Variants in LRCH3 observed in about 807,000 individuals in gnomAD.
The protein encoded by LRCH3 is leucine rich repeats and calponin homology domain containing 3.
In LRCH3, 68 loss-of-function variants were observed where a neutral mutation model predicts 104.5. That is an observed-to-expected ratio of 0.65 (90% CI 0.54 to 0.80). The LOEUF (loss-of-function observed/expected upper bound fraction) is 0.80. LRCH3 is among the 30% of genes least tolerant of loss of function. The probability of loss-of-function intolerance (pLI) is 0.00; values close to 1 mark genes in which losing one functional copy is unlikely to be tolerated. For synonymous variants in LRCH3, 344 were observed against 361.3 expected (o/e 0.95, Z 0.54); for missense variants, 951 against 953.9 (o/e 1.00, Z 0.04).
chr3:197,800,758 CAACTT>C (rs1263480578), intron 1 of LRCH3, among the ~76,000 whole-genome samples: 7 of 152,032 alleles, frequency 4.6e-5, no homozygotes, highest in Admixed American at 1.3e-4. Flanking sequence ...AAAATAGAAA[CAACTT>C]AAGTGATGAT....
rs1261901909 is a variant in LRCH3, at chr3:197,871,345, A to C, written c.2013A>C (p.Lys671Asn). 1 of 1,613,686 alleles carries C rather than the reference A, an allele frequency of 6.2e-7. No individual in the cohort carries two copies. Among genetic ancestry groups the C allele is most frequent in the Non-Finnish European group, 8.5e-7 (1 of 1,179,734 alleles). Residue 671 changes from lysine (K) to asparagine (N), a missense_variant, in exon 19 of 21, where the codon AAA (lysine) becomes AAC (asparagine). Lys to Asn is a moderately conservative substitution (Grantham distance 94, BLOSUM62 0). Coordinates refer to ENST00000425562, the MANE Select transcript of LRCH3 (RefSeq NM_001365715.1). ...TTCAGCATATTGAGTACCGGTTGAA[A>C]GTGTCTCTACCTTGTGATCTCGGAG... ...QLRKHIEYRL[K>N]VSLPCDLGAA...
intron 4 of LRCH3, among the ~76,000 whole-genome samples, chr3:197,824,336 T>G (rs146511026): frequency 6.7e-6 from 1 of 148,878 alleles, no homozygotes; most frequent in Non-Finnish European, 1.5e-5. Flanking sequence ...GTGCTGGGAT[T>G]ACAGGCGTGA....
intron 1 of LRCH3, among the ~76,000 whole-genome samples, chr3:197,813,510 ATTTTTTTTTTTTTTTTTTTTTTTT>A (rs57062885): frequency 0.076 from 5,028 of 66,128 alleles, 397 homozygotes; most frequent in African/African-American, 0.23. Flanking sequence ...GAGGCATATA[ATTTTTTTTTTTTTTTTTTTTTTTT>A]TTTTTTTTTT....
rs141073882 is a variant in LRCH3, at chr3:197,827,179, A to G, written c.777+165A>G. ...TAAACCATAGTGGAAGCATCAGGTAAACCATAGTGGAAGCATCAGGTAGAC... is the reference window on the plus strand; with the variant it reads ...TAAACCATAGTGGAAGCATCAGGTAGACCATAGTGGAAGCATCAGGTAGAC... On this transcript the variant is annotated intron_variant, in intron 5 of 20. Transcript: ENST00000425562. Among the ~76,000 whole-genome samples, 1,229 of 151,886 alleles carry G rather than the reference A, an allele frequency of 8.1e-3. 12 individuals are homozygous for G. Among genetic ancestry groups the G allele is most frequent in the African/African-American group, 0.028 (1,156 of 41,358 alleles).
chr3:197,875,808 A>G (rs754630742), intron 20 of LRCH3, 33 bp downstream of exon 20: 3 of 1,374,856 alleles, frequency 2.2e-6, no homozygotes, highest in African/African-American at 2.9e-5. Context: ...TGTTGCCTAA[A>G]TAGACTTGGT....
intron 1 of LRCH3, among the ~76,000 whole-genome samples, chr3:197,807,376 C>T (rs544648684): frequency 1.8e-4 from 28 of 151,982 alleles, no homozygotes; most frequent in Non-Finnish European, 2.8e-4. Flanking sequence ...GCCACCACGC[C>T]CAGCTCATTT....
At chr3:197,860,811 C>T (rs1740787155) in intron 15 of LRCH3, among the ~76,000 whole-genome samples, 1 of 151,966 alleles carries the variant, frequency 6.6e-6, no homozygotes, top group Admixed American at 6.6e-5. Context: ...ACTGTGATGA[C>T]CATTTTGTAC....
chr3:197,819,184 G>C (rs1458854530), intron 3 of LRCH3, among the ~76,000 whole-genome samples: 2 of 151,470 alleles, frequency 1.3e-5, no homozygotes, highest in Non-Finnish European at 2.9e-5. Context: ...ATTCCCATCT[G>C]ATGGTTGTTC....
intron 1 of LRCH3, among the ~76,000 whole-genome samples, chr3:197,795,377 C>G (rs1315357907): frequency 6.6e-6 from 1 of 152,118 alleles, no homozygotes; most frequent in African/African-American, 2.4e-5. Flanking sequence ...AGTATATAGT[C>G]CATTGCTCTG....
At chr3:197,844,986 C>G (rs907621918) in intron 10 of LRCH3, among the ~76,000 whole-genome samples, 1 of 152,076 alleles carries the variant, frequency 6.6e-6, no homozygotes, top group African/African-American at 2.4e-5. Flanking sequence ...ATGTCAAGAT[C>G]ATTGACAGAC....
Position 197,856,027 on chromosome 3 carries a change from G to A in LRCH3, c.1644+1582G>A, listed in dbSNP as rs1740205863. Among the ~76,000 whole-genome samples, 1 of 152,132 alleles carries A rather than the reference G, an allele frequency of 6.6e-6. No homozygotes were observed. ...TGCCTCCCTCTCCAGTCTCCTCTCT[G>A]GGCTTGTGCCATACCAGCATTGTTT... On this transcript the variant is annotated intron_variant, in intron 14 of 20. Transcript: ENST00000425562. This position sits in a 1 kb window ranked among gnomAD's most constrained non-coding sequence, Gnocchi z 4.2.
intron 19 of LRCH3, among the ~76,000 whole-genome samples, chr3:197,874,813 C>T (rs60415927): frequency 0.026 from 3,891 of 152,290 alleles, 165 homozygotes; most frequent in African/African-American, 0.087. Flanking sequence ...GCCCACAGGC[C>T]AGCACTTCTT....
At chr3:197,800,171 C>G (rs1242536915) in intron 1 of LRCH3, among the ~76,000 whole-genome samples, 1 of 151,854 alleles carries the variant, frequency 6.6e-6, no homozygotes, top group Non-Finnish European at 1.5e-5. Flanking sequence ...ATACTCCACT[C>G]CAGCCTAGGC....
chr3:197,850,875 T>G, intron 12 of LRCH3: 1 of 925,930 alleles, frequency 1.1e-6, no homozygotes, highest in East Asian at 2.4e-5. Context: ...ACGAGTGTTC[T>G]TAAAGTGAAC....
Position 197,829,718 on chromosome 3 carries a change from G to T in LRCH3, c.887+45G>T, listed in dbSNP as rs751833151. 5.2e-6 allele frequency: 7 copies of T among 1,346,270 alleles called. No individual in the cohort carries two copies. The South Asian group carries it at 9.0e-5, about 17-fold the overall frequency. 83.4% of individuals were successfully genotyped at this position (1,346,270 alleles called of 1,614,324 possible). On this transcript the variant is annotated intron_variant, in intron 6 of 20. Coordinates refer to ENST00000425562, the MANE Select transcript of LRCH3 (RefSeq NM_001365715.1). ...TTATCTATCATATTTTTTGTACAGA[G>T]AATCAAATAAAATGGATACTTAAAT...
chr3:197,820,260 G>A lies in LRCH3; in HGVS notation c.535-65G>A, dbSNP rs977899855. ...TCTCCCAAACATATCTAATTTTATA[G>A]ACAGTTTAAAGCAGACAAGTTTGTA... is the stretch of plus-strand genomic sequence containing the variant. On this transcript the variant is annotated intron_variant, in intron 3 of 20. Transcript: ENST00000425562. The A allele has an allele frequency of 1.1e-5, 13 of 1,133,018 alleles. No individual in the cohort carries two copies. In the Admixed American group the frequency reaches 1.3e-4, roughly 11 times the overall value. 70.2% of individuals were successfully genotyped at this position (1,133,018 alleles called of 1,614,324 possible).
At chr3:197,863,043 T>C (rs1353019983) in intron 15 of LRCH3, among the ~76,000 whole-genome samples, 1 of 152,178 alleles carries the variant, frequency 6.6e-6, no homozygotes, top group African/African-American at 2.4e-5. Context: ...CTCATTTATC[T>C]GACCCAACTG....
intron 20 of LRCH3, chr3:197,882,075 A>G: frequency 1.0e-6 from 1 of 985,416 alleles, no homozygotes; most frequent in Non-Finnish European, 1.2e-6. Context: ...AAAAACACAC[A>G]CAGGCTCTCA....
chr3:197,809,269 G>A (rs547481336), intron 1 of LRCH3, among the ~76,000 whole-genome samples: 1 of 151,948 alleles, frequency 6.6e-6, no homozygotes, highest in South Asian at 2.1e-4. Flanking sequence ...CTGCACTCCA[G>A]CTGGGGTAAC....
Sources: gnomAD v4.1 joint callset for allele counts (sites outside exome capture counted in the v4.1 genomes callset) on GRCh38, gnomAD v4.1.1 for gene constraint, Gnocchi (gnomAD v3.1) non-coding constraint, MANE v1.5 for transcripts, NCBI Gene and HGNC (gene_info 2026-07-23, HGNC 2026-07-21) for gene names.